Variants in EPHB2 observed in about 807,000 individuals in gnomAD.
The protein encoded by EPHB2 is EPH receptor B2.
Under a neutral mutation model 96.4 loss-of-function variants are expected in EPHB2, and 18 were observed. The observed-to-expected ratio is 0.19, with a 90% CI of 0.13 to 0.28. The LOEUF (loss-of-function observed/expected upper bound fraction) is 0.28. Ranked by LOEUF, EPHB2 falls within the 10% of genes least tolerant of loss-of-function variation. EPHB2 has a pLI of 1.00. For synonymous variants in EPHB2, 506 were observed against 534.1 expected (o/e 0.95, Z 0.72); for missense variants, 989 against 1,355.4 (o/e 0.73, Z 4.25).
chr1:22,882,309 C>CT, intron 5 of EPHB2, 50 bp from the exon 6 acceptor site: 1 of 1,608,742 alleles, frequency 6.2e-7, no homozygotes, highest in South Asian at 1.1e-5. Context: ...GGGCCAGAAG[C>CT]TGCACCTTCT....
chr1:22,786,636 G>A (rs1570275084), intron 3 of EPHB2, among the ~76,000 whole-genome samples: 1 of 152,360 alleles, frequency 6.6e-6, no homozygotes, highest in East Asian at 1.9e-4. Context: ...GAGACAGGAG[G>A]AAGGGGCCTA....
At chr1:22,830,489 C>T (rs1645289206) in intron 3 of EPHB2, among the ~76,000 whole-genome samples, 1 of 152,244 alleles carries the variant, frequency 6.6e-6, no homozygotes. Flanking sequence ...TAGGAACTAA[C>T]AGCAGAACCT....
At position 22,860,713 on chromosome 1, in the gene EPHB2, T is replaced by C. The variant is rs866438674; in HGVS notation, c.812-2324T>C. Among the ~76,000 whole-genome samples, 8 of 152,230 alleles carry C rather than the reference T, an allele frequency of 5.3e-5. No individual in the cohort carries two copies. Among genetic ancestry groups the C allele is most frequent in the Middle Eastern group, 3.4e-3 (1 of 294 alleles). ...GAGCCTGATCTTGGGGCCAAAACCCTTTGGCATCTCTAAGGATGGTTCTAG... is the reference window on the plus strand; with the variant it reads ...GAGCCTGATCTTGGGGCCAAAACCCCTTGGCATCTCTAAGGATGGTTCTAG... On this transcript the variant is annotated intron_variant, in intron 3 of 15. Coordinates refer to ENST00000374630, the MANE Select transcript of EPHB2 (RefSeq NM_017449.5). The surrounding 1 kb of genome is among the most constrained non-coding windows in gnomAD (Gnocchi z 4.6).
intron 14 of EPHB2, 41 bp downstream of exon 14, chr1:22,910,616 C>G: frequency 6.2e-7 from 1 of 1,608,122 alleles, no homozygotes; most frequent in Non-Finnish European, 8.5e-7. Context: ...AGGCCCTGCC[C>G]CTCTTCCCGT....
chr1:22,877,012 G>A (rs960686392), intron 5 of EPHB2, among the ~76,000 whole-genome samples: 1 of 152,212 alleles, frequency 6.6e-6, no homozygotes, highest in Non-Finnish European at 1.5e-5. Context: ...CAGAGCTGGG[G>A]CGGGCCGGGT....
Position 22,859,938 on chromosome 1 carries a change from T to C in EPHB2, c.812-3099T>C, listed in dbSNP as rs534289391. Among the ~76,000 whole-genome samples the C allele has an allele frequency of 9.2e-5, 14 of 152,290 alleles. No homozygotes were observed. The East Asian group carries it at 2.7e-3, about 29-fold the overall frequency. On this transcript the variant is annotated intron_variant, in intron 3 of 15. Coordinates refer to ENST00000374630, the MANE Select transcript of EPHB2 (RefSeq NM_017449.5). ...TTAGCACCTCCTCCCCCTGCTCCCCTATCCCCAGCCATTGGCAACCACGCA... is the reference window on the plus strand; with the variant it reads ...TTAGCACCTCCTCCCCCTGCTCCCCCATCCCCAGCCATTGGCAACCACGCA...
intron 14 of EPHB2, among the ~76,000 whole-genome samples, chr1:22,911,209 G>A (rs914793097): frequency 6.6e-5 from 10 of 151,540 alleles, no homozygotes; most frequent in African/African-American, 1.9e-4. Context: ...ATCTTAGTTC[G>A]TGAATAGATA....
intron 3 of EPHB2, among the ~76,000 whole-genome samples, chr1:22,786,042 T>C (rs948826176): frequency 6.6e-6 from 1 of 152,310 alleles, no homozygotes; most frequent in South Asian, 2.1e-4. Context: ...TAAAGAACCA[T>C]GAAGGTGGTC....
intron 5 of EPHB2, among the ~76,000 whole-genome samples, chr1:22,870,083 A>G (rs1472139767): frequency 1.3e-5 from 2 of 152,202 alleles, no homozygotes; most frequent in Admixed American, 6.5e-5. Flanking sequence ...AAATGCATTC[A>G]GTGGTCGGTT....
At chr1:22,713,046 G>A (rs1643196482) in intron 1 of EPHB2, among the ~76,000 whole-genome samples, 1 of 152,170 alleles carries the variant, frequency 6.6e-6, no homozygotes. Context: ...GGCCAGCCTG[G>A]ACCCTGGCCC....
chr1:22,870,116 T>A (rs897895778), intron 5 of EPHB2, among the ~76,000 whole-genome samples: 1 of 152,178 alleles, frequency 6.6e-6, no homozygotes, highest in Non-Finnish European at 1.5e-5. Context: ...TAAAATTCAA[T>A]ATATAAATAT....
intron 1 of EPHB2, among the ~76,000 whole-genome samples, chr1:22,751,932 GTCT>G (rs1644069565): frequency 6.6e-6 from 1 of 152,200 alleles, no homozygotes; most frequent in Non-Finnish European, 1.5e-5. Flanking sequence ...GTTGGGGGCT[GTCT>G]TCTTTAAAAA....
At chr1:22,715,093 A>C (rs535118415) in intron 1 of EPHB2, among the ~76,000 whole-genome samples, 1 of 152,354 alleles carries the variant, frequency 6.6e-6, no homozygotes, top group South Asian at 2.1e-4. Flanking sequence ...CAGTAACGGA[A>C]TGACATTGTC....
chr1:22,736,159 C>T (rs568645654), intron 1 of EPHB2, among the ~76,000 whole-genome samples: 16 of 152,216 alleles, frequency 1.1e-4, no homozygotes, highest in African/African-American at 2.9e-4. Flanking sequence ...TAAGCAGAGT[C>T]GGGGGGCTGT....
intron 6 of EPHB2, among the ~76,000 whole-genome samples, chr1:22,884,254 C>A (rs1279433421): frequency 6.6e-6 from 1 of 152,166 alleles, no homozygotes; most frequent in African/African-American, 2.4e-5. Context: ...GCCTGTAATC[C>A]CAGCACTTTG....
intron 3 of EPHB2, among the ~76,000 whole-genome samples, chr1:22,826,854 C>G (rs951432776): frequency 2.0e-5 from 3 of 152,242 alleles, no homozygotes; most frequent in African/African-American, 7.2e-5. Flanking sequence ...TCCAGCAATG[C>G]TGGAGCCAGT....
chr1:22,869,828 T>C (rs1342787719), intron 5 of EPHB2, among the ~76,000 whole-genome samples: 1 of 152,202 alleles, frequency 6.6e-6, no homozygotes, highest in East Asian at 1.9e-4. Context: ...CTAGTTCCCG[T>C]GGTTGAAATT....
intron 3 of EPHB2, among the ~76,000 whole-genome samples, chr1:22,801,599 G>T (rs1036263451): frequency 1.3e-5 from 2 of 152,146 alleles, no homozygotes; most frequent in Non-Finnish European, 2.9e-5. Flanking sequence ...AGGCCTTAGA[G>T]GATGCCCAGA....
chr1:22,748,747 CAT>C (rs137921498), intron 1 of EPHB2, among the ~76,000 whole-genome samples: 2 of 150,018 alleles, frequency 1.3e-5, no homozygotes, highest in African/African-American at 4.9e-5. Context: ...TAAACACACA[CAT>C]ATATGATATT....
Sources: gnomAD v4.1 joint callset for allele counts (sites outside exome capture counted in the v4.1 genomes callset) on GRCh38, gnomAD v4.1.1 for gene constraint, Gnocchi (gnomAD v3.1) non-coding constraint, MANE v1.5 for transcripts, NCBI Gene and HGNC (gene_info 2026-07-23, HGNC 2026-07-21) for gene names.